TJP3: variants seen among roughly 807,000 people sequenced by gnomAD.
TJP3 encodes tight junction protein ZO-3.
In TJP3, 85 loss-of-function variants were observed where a neutral mutation model predicts 104.2. The observed-to-expected ratio is 0.82, with a 90% CI of 0.68 to 0.98. TJP3 has a LOEUF of 0.98. Among genes scored for constraint, TJP3 ranks in the 50% least tolerant of loss-of-function variants. The probability of loss-of-function intolerance (pLI) is 0.00; values close to 1 mark genes in which losing one functional copy is unlikely to be tolerated. For missense variants in TJP3, 1,367 were observed against 1,322.8 expected, an observed-to-expected ratio of 1.03 and a Z score of -0.52; for synonymous variants, 550 against 550.6, an observed-to-expected ratio of 1.00 and a Z score of 0.02.
chr19:3,719,884 GC>G (rs2036526685), intron 1 of TJP3, among the ~76,000 whole-genome samples: 1 of 152,164 alleles, frequency 6.6e-6, no homozygotes, highest in Non-Finnish European at 1.5e-5. Flanking sequence ...TGTGATGGCC[GC>G]AAAAGGGAAG....
chr19:3,730,405 C>A lies in TJP3; in HGVS notation c.312C>A (p.Pro104=). 1.3e-6 allele frequency: 2 copies of A among 1,579,360 alleles called. No homozygotes were observed. Among genetic ancestry groups the A allele is most frequent in the East Asian group, 2.3e-5 (1 of 43,836 alleles). ...RIHLPATKAS[P]SSPGRQDSDE... ...ACCTGCCCGCCACCAAAGCCAGCCC[C>A]TCCAGCCCAGGGCGCCAGGACTCGG... is the stretch of plus-strand genomic sequence containing the variant. Residue 104 remains proline (P), a synonymous_variant, in exon 5 of 21, where the codon CCC becomes CCA. Coordinates refer to ENST00000541714, the MANE Select transcript of TJP3 (RefSeq NM_001267560.2). This position sits in a 1 kb window ranked among gnomAD's most constrained non-coding sequence, Gnocchi z 7.3.
chr19:3,716,897 CA>C lies in TJP3; in HGVS notation c.-10+8338del, dbSNP rs1480690242. Among the ~76,000 whole-genome samples the C allele has an allele frequency of 1.4e-5, 2 of 140,708 alleles. 1 individual carries two copies. Among genetic ancestry groups the C allele is most frequent in the Non-Finnish European group, 3.1e-5 (2 of 63,658 alleles). The allele number at this position is 140,708 out of a possible 152,430, so 92.3% of individuals were successfully genotyped here. A position where few individuals can be genotyped will look rare whatever the true frequency, so the allele number is the denominator to read the frequency against. On this transcript the variant is annotated intron_variant, in intron 1 of 20. Transcript: ENST00000541714. The stretch of plus-strand genomic sequence containing the variant: ...CACTGCACCCTCTGCCTCCCAGGTT[CA>C]AGTGATTCTCCTGCCTCAGCCTCCC...
intron 1 of TJP3, among the ~76,000 whole-genome samples, chr19:3,709,598 C>G (rs1268473944): frequency 6.6e-6 from 1 of 152,138 alleles, no homozygotes; most frequent in African/African-American, 2.4e-5. Context: ...TCTCCAGAAC[C>G]AAGAGGGTCC....
At chr19:3,733,081 G>A (rs1449846631) in intron 6 of TJP3, among the ~76,000 whole-genome samples, 1 of 150,884 alleles carries the variant, frequency 6.6e-6, no homozygotes, top group Non-Finnish European at 1.5e-5. Flanking sequence ...TGTCACCCAG[G>A]CTGGAGTGCA....
intron 1 of TJP3, among the ~76,000 whole-genome samples, chr19:3,709,983 AC>A (rs1228532202): frequency 6.6e-6 from 1 of 152,040 alleles, no homozygotes; most frequent in Non-Finnish European, 1.5e-5. Context: ...CCCTGTCTCT[AC>A]TAAAAATACA....
chr19:3,732,132 G>T, intron 6 of TJP3, 94 bp downstream of exon 6: 1 of 1,016,856 alleles, frequency 9.8e-7, no homozygotes, highest in Non-Finnish European at 1.4e-6. Flanking sequence ...AGCAGAACTG[G>T]GCCCCAAAGC....
intron 1 of TJP3, among the ~76,000 whole-genome samples, 196 bp downstream of exon 1, chr19:3,708,757 A>ACTGC (rs2036407749): frequency 6.6e-6 from 1 of 152,030 alleles, no homozygotes; most frequent in African/African-American, 2.4e-5. Context: ...ACCGGCAGTT[A>ACTGC]CTGCACCTGG....
intron 13 of TJP3, among the ~76,000 whole-genome samples, chr19:3,739,495 A>C (rs538143278): frequency 6.6e-6 from 1 of 152,280 alleles, no homozygotes; most frequent in African/African-American, 2.4e-5. Context: ...GTCTCAATAA[A>C]TAAATAAATA....
At chr19:3,720,905 T>TTTC (rs1555737413) in intron 1 of TJP3, among the ~76,000 whole-genome samples, 1 of 142,438 alleles carries the variant, frequency 7.0e-6, no homozygotes, top group Non-Finnish European at 1.5e-5. Flanking sequence ...CCTTTTCTTT[T>TTTC]TTTTTTTTTT....
intron 1 of TJP3, among the ~76,000 whole-genome samples, chr19:3,712,431 G>T (rs1366173177): frequency 1.3e-5 from 2 of 152,184 alleles, no homozygotes; most frequent in Non-Finnish European, 1.5e-5. Flanking sequence ...TCCCACTGGG[G>T]GCCCGAGTGG....
chr19:3,738,211 G>C (rs1179199576), intron 11 of TJP3, among the ~76,000 whole-genome samples: 1 of 152,182 alleles, frequency 6.6e-6, no homozygotes, highest in Non-Finnish European at 1.5e-5. Flanking sequence ...GTTCTTTTGA[G>C]CATTTCACAC....
chr19:3,736,470 C>A, intron 11 of TJP3, 149 bp downstream of exon 11: 2 of 801,332 alleles, frequency 2.5e-6, no homozygotes, highest in Non-Finnish European at 3.5e-6. Flanking sequence ...GTCTCCTTGG[C>A]TGTGTCATGA....
Position 3,746,338 on chromosome 19 carries a change from G to A in TJP3, c.2011-147G>A. ...TGCCCAAGATGCTGCGACCTGGGCT[G>A]TTACCACCCCCATCCCCAACTTGCT... On this transcript the variant is annotated intron_variant, in intron 16 of 20. Coordinates refer to ENST00000541714, the MANE Select transcript of TJP3 (RefSeq NM_001267560.2). This position sits in a 1 kb window ranked among gnomAD's most constrained non-coding sequence, Gnocchi z 4.1. The A allele has an allele frequency of 3.3e-6, 3 of 908,508 alleles. No individual in the cohort carries two copies. Among genetic ancestry groups the A allele is most frequent in the Non-Finnish European group, 5.0e-6 (3 of 604,350 alleles). The allele number at this position is 908,508 out of a possible 1,614,324, so 56.3% of individuals were successfully genotyped here.
intron 1 of TJP3, among the ~76,000 whole-genome samples, chr19:3,716,801 A>ATTTTT (rs1215459660): frequency 8.5e-5 from 7 of 81,930 alleles, no homozygotes; most frequent in East Asian, 3.0e-4. Flanking sequence ...ATATATATAT[A>ATTTTT]TTTTTTTTTT....
chr19:3,738,529 C>A, intron 11 of TJP3, 26 bp from the exon 12 acceptor site: 2 of 1,601,858 alleles, frequency 1.2e-6, no homozygotes, highest in South Asian at 2.2e-5. Flanking sequence ...AGAGCTTTTT[C>A]TATAGCTGCA....
At position 3,746,191 on chromosome 19, in the gene TJP3, C is replaced by T. The variant is rs916174980; in HGVS notation, c.2010+110C>T. ...TCAGCCCACACCCCACAAGTGCAGTCTTCCATAGAGCCCCTTTTGGAGGCT... is the reference window on the plus strand; with the variant it reads ...TCAGCCCACACCCCACAAGTGCAGTTTTCCATAGAGCCCCTTTTGGAGGCT... On this transcript the variant is annotated intron_variant, in intron 16 of 20. Coordinates refer to ENST00000541714, the MANE Select transcript of TJP3 (RefSeq NM_001267560.2). The surrounding 1 kb of genome is among the most constrained non-coding windows in gnomAD (Gnocchi z 4.1). The T allele has an allele frequency of 4.1e-5, 47 of 1,152,782 alleles. No homozygotes were observed. The highest frequency in any genetic ancestry group is 5.4e-5 in the Non-Finnish European group (43 of 795,336). The allele number at this position is 1,152,782 out of a possible 1,614,324, so 71.4% of individuals were successfully genotyped here. A position where few individuals can be genotyped will look rare whatever the true frequency, so the allele number is the denominator to read the frequency against.
At position 3,735,650 on chromosome 19, in the gene TJP3, ACT is replaced by A. The variant is rs1474786405; in HGVS notation, c.1060+14_1060+15del. The A allele has an allele frequency of 1.2e-6, 2 of 1,613,978 alleles. No individual in the cohort carries two copies. Among genetic ancestry groups the A allele is most frequent in the Non-Finnish European group, 1.7e-6 (2 of 1,179,950 alleles). ...ATGAGCAACGGTCAGGTGGGTGGTG[ACT>A]CTGAGCACCCCTGTCCCTGACATTT... On this transcript the variant is annotated intron_variant, in intron 9 of 20. Coordinates refer to ENST00000541714, the MANE Select transcript of TJP3 (RefSeq NM_001267560.2).
At chr19:3,715,173 T>TCC (rs1377835920) in intron 1 of TJP3, among the ~76,000 whole-genome samples, 1 of 150,498 alleles carries the variant, frequency 6.6e-6, no homozygotes, top group African/African-American at 2.4e-5. Flanking sequence ...CACTGCAACC[T>TCC]CCGCCTCCCG....
chr19:3,713,237 C>T (rs565609029), intron 1 of TJP3, among the ~76,000 whole-genome samples: 1 of 152,172 alleles, frequency 6.6e-6, no homozygotes, highest in Non-Finnish European at 1.5e-5. Flanking sequence ...CGTCTCCTCC[C>T]ACCTGGCTGC....
Sources: gnomAD v4.1 joint callset for allele counts (sites outside exome capture counted in the v4.1 genomes callset) on GRCh38, gnomAD v4.1.1 for gene constraint, Gnocchi (gnomAD v3.1) non-coding constraint, MANE v1.5 for transcripts, NCBI Gene and HGNC (gene_info 2026-07-23, HGNC 2026-07-21) for gene names.